The following SCUBE1 variants were observed in gnomAD, a reference collection of about 807,000 sequenced individuals.
SCUBE1 encodes signal peptide, CUB and EGF-like domain-containing protein 1.
A neutral mutation model predicts 124.4 loss-of-function variants in SCUBE1; 59 were observed. The observed-to-expected ratio is 0.47, with a 90% CI of 0.38 to 0.59. SCUBE1 has a LOEUF of 0.59. Among genes scored for constraint, SCUBE1 ranks in the 20% least tolerant of loss-of-function variants. The probability of loss-of-function intolerance (pLI) is 0.00; values close to 1 mark genes in which losing one functional copy is unlikely to be tolerated. For synonymous variants in SCUBE1, 545 were observed against 550.9 expected (o/e 0.99, Z 0.15); for missense variants, 1,150 against 1,371.2 (o/e 0.84, Z 2.55).
intron 4 of SCUBE1, among the ~76,000 whole-genome samples, chr22:43,280,696 C>T (rs1283632055): frequency 1.3e-5 from 2 of 151,348 alleles, no homozygotes; most frequent in Admixed American, 6.6e-5. Context: ...TCACACATCC[C>T]CACCACCTTC....
chr22:43,260,934 G>T (rs139031), intron 5 of SCUBE1, among the ~76,000 whole-genome samples: 2 of 152,208 alleles, frequency 1.3e-5, no homozygotes, highest in Non-Finnish European at 2.9e-5. Context: ...TAGTGCTTGT[G>T]TCAGATGTAC....
Position 43,214,235 on chromosome 22 carries a change from G to T in SCUBE1, c.1908C>A (p.Gly636=). 1 of 1,612,288 alleles carries T rather than the reference G, an allele frequency of 6.2e-7. No homozygotes were observed. Among genetic ancestry groups the T allele is most frequent in the Non-Finnish European group, 8.5e-7 (1 of 1,179,512 alleles). Reference sequence around the variant, plus strand: ...GGCCGAGCTCACCACCGAAGTGGGTGCCAGGCCCACAGGCAACTGCAGAGG... The same window carrying T: ...GGCCGAGCTCACCACCGAAGTGGGTTCCAGGCCCACAGGCAACTGCAGAGG... ...QDSKCVACGP[G]THFGGELGQC... Residue 636 remains glycine (G), a synonymous_variant, in exon 16 of 22, where the codon GGC becomes GGA. Transcript: ENST00000360835.
At chr22:43,312,799 G>A (rs1224407950) in intron 3 of SCUBE1, among the ~76,000 whole-genome samples, 1 of 152,162 alleles carries the variant, frequency 6.6e-6, no homozygotes, top group Non-Finnish European at 1.5e-5. Context: ...ATTTCTGGAT[G>A]CTCTCAGTGA....
At chr22:43,275,661 T>C (rs571784507) in intron 4 of SCUBE1, among the ~76,000 whole-genome samples, 1 of 152,130 alleles carries the variant, frequency 6.6e-6, no homozygotes, top group Non-Finnish European at 1.5e-5. Flanking sequence ...TGGGTTTTGA[T>C]GGATGACTAA....
At chr22:43,302,047 C>T (rs1011665668) in intron 3 of SCUBE1, among the ~76,000 whole-genome samples, 8 of 152,198 alleles carry the variant, frequency 5.3e-5, no homozygotes, top group Non-Finnish European at 1.2e-4. Context: ...ACCAGTGGGC[C>T]GTGGGTGTGT....
At chr22:43,291,640 C>T (rs1450260361) in intron 3 of SCUBE1, among the ~76,000 whole-genome samples, 2 of 152,004 alleles carry the variant, frequency 1.3e-5, no homozygotes, top group Non-Finnish European at 2.9e-5. Context: ...GGGCCTCCAT[C>T]GTGCTGTGCT....
chr22:43,342,917 C>G (rs71328669), intron 1 of SCUBE1, among the ~76,000 whole-genome samples: 26,654 of 151,496 alleles, frequency 0.18, 2,865 homozygotes, highest in African/African-American at 0.28. Context: ...TCCTCGCTCC[C>G]GCGCTCGCGC....
In SCUBE1 at chr22:43,211,815, C is replaced by T. The variant is rs114073660; in HGVS notation, c.2221+610G>A. Among the ~76,000 whole-genome samples, 1,106 of 152,244 alleles carry T rather than the reference C, an allele frequency of 7.3e-3. 11 individuals are homozygous for T. The highest frequency in any genetic ancestry group is 0.025 in the African/African-American group (1,018 of 41,528). ...CTGGGATTATAGGTGTGTGCCACCG[C>T]ACCTGGCTTCTTTTTTTAAATGGGC... On this transcript the variant is annotated intron_variant, in intron 17 of 21. Coordinates refer to ENST00000360835, the MANE Select transcript of SCUBE1 (RefSeq NM_173050.5). The surrounding 1 kb of genome is among the most constrained non-coding windows in gnomAD (Gnocchi z 4.5).
intron 10 of SCUBE1, among the ~76,000 whole-genome samples, chr22:43,226,696 A>C (rs1203445715): frequency 6.6e-6 from 1 of 152,088 alleles, no homozygotes; most frequent in African/African-American, 2.4e-5. Context: ...AGGCTCACTT[A>C]GGCTGCCCTG....
intron 2 of SCUBE1, among the ~76,000 whole-genome samples, chr22:43,336,623 A>G (rs1049921582): frequency 6.6e-6 from 1 of 152,160 alleles, no homozygotes; most frequent in Non-Finnish European, 1.5e-5. Context: ...CCCTCAATAA[A>G]TGAGCTCACA....
chr22:43,222,048 A>G (rs1244317123), intron 12 of SCUBE1, among the ~76,000 whole-genome samples: 1 of 152,180 alleles, frequency 6.6e-6, no homozygotes, highest in East Asian at 1.9e-4. Flanking sequence ...TGGGTGACAG[A>G]GCGAGACTCC....
At chr22:43,287,935 G>A (rs2146748097) in intron 4 of SCUBE1, among the ~76,000 whole-genome samples, 1 of 152,342 alleles carries the variant, frequency 6.6e-6, no homozygotes, top group East Asian at 1.9e-4. Context: ...TCTCCCCAAT[G>A]GGCATTAATG....
chr22:43,292,726 G>T (rs1206960608), intron 3 of SCUBE1, among the ~76,000 whole-genome samples: 1 of 152,170 alleles, frequency 6.6e-6, no homozygotes, highest in Non-Finnish European at 1.5e-5. Context: ...GCTGTGGAGC[G>T]ATTTGAGCCA....
At chr22:43,314,963 G>A (rs576922897) in intron 3 of SCUBE1, among the ~76,000 whole-genome samples, 7 of 152,110 alleles carry the variant, frequency 4.6e-5, no homozygotes, top group South Asian at 2.1e-4. Flanking sequence ...CCCAAGTCCC[G>A]CAAACGTCAG....
At chr22:43,208,712 C>A (rs1020996246) in intron 19 of SCUBE1, among the ~76,000 whole-genome samples, 2 of 152,218 alleles carry the variant, frequency 1.3e-5, no homozygotes, top group African/African-American at 4.8e-5. Context: ...AGCAAATACA[C>A]CAGCAAGGCC....
intron 21 of SCUBE1, among the ~76,000 whole-genome samples, chr22:43,206,753 A>ACGCT (rs1351979498): frequency 6.6e-6 from 1 of 152,034 alleles, no homozygotes; most frequent in African/African-American, 2.4e-5. Flanking sequence ...CAGTGTCAGG[A>ACGCT]TGCTTCCAGT....
At chr22:43,243,204 G>A (rs545947717) in intron 6 of SCUBE1, among the ~76,000 whole-genome samples, 8 of 152,320 alleles carry the variant, frequency 5.3e-5, no homozygotes, top group African/African-American at 1.9e-4. Context: ...TAAGTAAGCC[G>A]GCCAAGGCCA....
At chr22:43,222,586 A>T in intron 12 of SCUBE1, 52 bp downstream of exon 12, 7 of 1,349,354 alleles carry the variant, frequency 5.2e-6, no homozygotes, top group Non-Finnish European at 7.2e-6. Context: ...ATGTTGCTGG[A>T]TGCAGTCAAG....
intron 15 of SCUBE1, among the ~76,000 whole-genome samples, chr22:43,215,290 C>A (rs1231504768): frequency 6.6e-6 from 1 of 152,116 alleles, no homozygotes; most frequent in Admixed American, 6.5e-5. Context: ...GAGCGCCGAA[C>A]TAAATAACAT....
Sources: allele counts gnomAD v4.1 joint callset (sites outside exome capture counted in the v4.1 genomes callset), GRCh38; gene constraint gnomAD v4.1.1; non-coding constraint Gnocchi (gnomAD v3.1); transcripts MANE v1.5; gene names NCBI Gene and HGNC (gene_info 2026-07-23, HGNC 2026-07-21).